Variants in RNF144A observed in about 807,000 individuals in gnomAD.
RNF144A encodes ring finger protein 144A.
RNF144A carries 11 observed loss-of-function variants against 38.7 expected under a neutral mutation model. The ratio of observed to expected loss-of-function variants is 0.28; its 90% confidence interval spans 0.18 to 0.47. RNF144A has a LOEUF of 0.47. Ranked by LOEUF, RNF144A falls within the 20% of genes least tolerant of loss-of-function variation. The pLI is 0.99. For synonymous variants in RNF144A, 149 were observed against 143.9 expected, an observed-to-expected ratio of 1.04 and a Z score of -0.25; for missense variants, 316 against 377.2, an observed-to-expected ratio of 0.84 and a Z score of 1.34.
rs114226410 is a variant in RNF144A, at chr2:6,982,654, A to T, written c.-11-14262A>T. Among the ~76,000 whole-genome samples, 526 of 152,296 alleles carry T rather than the reference A, an allele frequency of 3.5e-3. 2 individuals carry two copies. Among genetic ancestry groups the T allele is most frequent in the African/African-American group, 0.012 (509 of 41,558 alleles). The stretch of plus-strand genomic sequence containing the variant: ...CGGCTGTGGGGTAAAAGGAAGAGGG[A>T]CAAGGGAGAGAGTGGTGAGAGCCCT... On this transcript the variant is annotated intron_variant, in intron 2 of 8. Transcript: ENST00000320892.
At chr2:6,927,663 C>A (rs1305719359) in intron 1 of RNF144A, among the ~76,000 whole-genome samples, 1 of 152,136 alleles carries the variant, frequency 6.6e-6, no homozygotes, top group Non-Finnish European at 1.5e-5. Flanking sequence ...CTGGCCAGTC[C>A]CAATTGAGCT....
chr2:7,000,405 A>G (rs1670023485), intron 3 of RNF144A, among the ~76,000 whole-genome samples: 1 of 152,194 alleles, frequency 6.6e-6, no homozygotes, highest in African/African-American at 2.4e-5. Context: ...ATGAGGGCCA[A>G]TCCCGTGTTC....
intron 3 of RNF144A, among the ~76,000 whole-genome samples, chr2:7,006,492 A>G (rs894071697): frequency 1.3e-5 from 2 of 151,734 alleles, no homozygotes; most frequent in African/African-American, 4.8e-5. Context: ...AGGGCAGGAG[A>G]GGGTAAGGGC....
chr2:6,981,937 C>G (rs1242539032), intron 2 of RNF144A, among the ~76,000 whole-genome samples: 4 of 152,292 alleles, frequency 2.6e-5, no homozygotes, highest in African/African-American at 9.6e-5. Flanking sequence ...AGGAAACTTG[C>G]AATCATGGCA....
At chr2:6,937,135 A>T (rs1362659128) in intron 1 of RNF144A, among the ~76,000 whole-genome samples, 1 of 152,192 alleles carries the variant, frequency 6.6e-6, no homozygotes, top group African/African-American at 2.4e-5. Flanking sequence ...ACCACTCCAT[A>T]CCGGTGTGGC....
chr2:7,001,488 G>A (rs1257769018), intron 3 of RNF144A, among the ~76,000 whole-genome samples: 1 of 151,672 alleles, frequency 6.6e-6, no homozygotes, highest in Non-Finnish European at 1.5e-5. Context: ...ACAATCCTGG[G>A]CAACATAGTG....
chr2:7,042,688 G>C lies in RNF144A; in HGVS notation c.*2928G>C, dbSNP rs1363773186. On this transcript the variant is annotated 3_prime_UTR_variant, in exon 9 of 9. Transcript: ENST00000320892. ...AGCCAGATGAGCTTGCAGCCTCATA[G>C]GAGGTCAGCACCTTGCAAAGATGCA... 1.0e-6 allele frequency: 1 copy of C among 985,366 alleles called. No individual in the cohort carries two copies. The highest frequency in any genetic ancestry group is 1.2e-6 in the Non-Finnish European group (1 of 829,968). The allele number at this position is 985,366 out of a possible 1,614,324, so 61.0% of individuals were successfully genotyped here.
chr2:7,071,324 G>T (rs1674475364), downstream of RNF144A, among the ~76,000 whole-genome samples: 1 of 152,180 alleles, frequency 6.6e-6, no homozygotes, highest in South Asian at 2.1e-4. Context: ...ATGGGCAGTG[G>T]CTTGGATTTC....
chr2:7,052,053 A>G (rs1018138102), intron 6 of RNF144A, among the ~76,000 whole-genome samples: 8 of 152,052 alleles, frequency 5.3e-5, no homozygotes, highest in African/African-American at 1.9e-4. Flanking sequence ...TAACATAAAT[A>G]CCTCCAAAAT....
In RNF144A at chr2:7,002,994, T is replaced by TA. The variant is rs1045016663; in HGVS notation, c.135+5941dup. 1.3e-4 allele frequency among the ~76,000 whole-genome samples: 20 copies of TA among 151,854 alleles called. No homozygotes were observed. In the South Asian group the frequency reaches 3.1e-3, roughly 24 times the overall value. On this transcript the variant is annotated intron_variant, in intron 3 of 8. Transcript: ENST00000320892. Reference sequence around the variant, plus strand: ...GTCTTAGTTTTTAACAAAAAAAGTTTAAAAAAAATAAAAAAATTTACAAAT... The same window carrying TA: ...GTCTTAGTTTTTAACAAAAAAAGTTTAAAAAAAAATAAAAAAATTTACAAAT...
At chr2:6,982,384 A>G (rs1181969489) in intron 2 of RNF144A, among the ~76,000 whole-genome samples, 1 of 152,180 alleles carries the variant, frequency 6.6e-6, no homozygotes, top group African/African-American at 2.4e-5. Context: ...ACTTGGCTCC[A>G]TGGTTGTGGA....
intron 1 of RNF144A, among the ~76,000 whole-genome samples, chr2:6,940,638 A>C (rs1000761084): frequency 6.6e-6 from 1 of 152,068 alleles, no homozygotes; most frequent in African/African-American, 2.4e-5. Flanking sequence ...ACCTCTCTCT[A>C]TAGGAGACTC....
At chr2:6,982,810 G>C (rs1172235480) in intron 2 of RNF144A, among the ~76,000 whole-genome samples, 2 of 152,354 alleles carry the variant, frequency 1.3e-5, no homozygotes, top group South Asian at 4.1e-4. Flanking sequence ...TCCTGCTGCA[G>C]TAACATTGGG....
intron 2 of RNF144A, among the ~76,000 whole-genome samples, chr2:6,977,513 A>G (rs1276101697): frequency 6.6e-6 from 1 of 152,248 alleles, no homozygotes; most frequent in African/African-American, 2.4e-5. Context: ...TTATTGAGTC[A>G]CTACTCAGTA....
chr2:7,062,607 G>T lies in RNF144A; in HGVS notation c.735-5609G>T, dbSNP rs557834884. The T allele has an allele frequency of 6.4e-4, 97 of 152,148 alleles. 1 individual carries two copies. The highest frequency in any genetic ancestry group is 2.1e-3 in the African/African-American group (88 of 41,498). The allele number at this position is 152,148 out of a possible 1,614,324, so 9.4% of individuals were successfully genotyped here. On this transcript the variant is annotated intron_variant, in intron 6 of 6. Transcript: ENST00000432850. Reference sequence around the variant, plus strand: ...GTAGCAGGGACATTACAGCCCCAAGGTAAAATAAATTGATAATAGACAGTG... The same window carrying T: ...GTAGCAGGGACATTACAGCCCCAAGTTAAAATAAATTGATAATAGACAGTG...
intron 3 of RNF144A, among the ~76,000 whole-genome samples, chr2:7,005,958 G>A (rs1485076402): frequency 6.7e-6 from 1 of 148,712 alleles, no homozygotes; most frequent in Non-Finnish European, 1.5e-5. Flanking sequence ...ATGAACTGAA[G>A]TGCTGTTAGA....
At chr2:6,983,624 T>G (rs993822031) in intron 2 of RNF144A, among the ~76,000 whole-genome samples, 9 of 152,204 alleles carry the variant, frequency 5.9e-5, no homozygotes, top group African/African-American at 2.2e-4. Context: ...TCACCCACTC[T>G]CCTGGAGGAT....
At chr2:7,019,993 C>G (rs537349715) in intron 5 of RNF144A, among the ~76,000 whole-genome samples, 37 of 152,356 alleles carry the variant, frequency 2.4e-4, no homozygotes, top group African/African-American at 8.7e-4. Flanking sequence ...TCTCGGTCTT[C>G]TAGCAGCATT....
intron 3 of RNF144A, among the ~76,000 whole-genome samples, chr2:7,010,352 A>G (rs945719257): frequency 1.3e-5 from 2 of 152,154 alleles, no homozygotes; most frequent in African/African-American, 4.8e-5. Flanking sequence ...ACCACTGTTC[A>G]TGGGGCTTTT....
Sources: allele counts gnomAD v4.1 joint callset (sites outside exome capture counted in the v4.1 genomes callset), GRCh38; gene constraint gnomAD v4.1.1; transcripts MANE v1.5; gene names NCBI Gene and HGNC (gene_info 2026-07-23, HGNC 2026-07-21).